Variants in HECW2 observed in about 807,000 individuals in gnomAD.
The protein encoded by HECW2 is HECT, C2 and WW domain containing E3 ubiquitin protein ligase 2.
A neutral mutation model predicts 175.2 loss-of-function variants in HECW2; 61 were observed. The ratio of observed to expected loss-of-function variants is 0.35; its 90% CI spans 0.28 to 0.43. The LOEUF (loss-of-function observed/expected upper bound fraction) is 0.43. Among genes scored for constraint, HECW2 ranks in the 20% least tolerant of loss-of-function variants. The pLI, the probability that HECW2 is intolerant of heterozygous loss-of-function variation, is 1.00. For missense variants in HECW2, 1,524 were observed against 2,000.5 expected (o/e 0.76, Z 4.54); for synonymous variants, 671 against 731.0 (o/e 0.92, Z 1.32).
intron 2 of HECW2, among the ~76,000 whole-genome samples, chr2:196,395,285 T>C (rs1262701810): frequency 1.3e-5 from 2 of 152,146 alleles, no homozygotes; most frequent in Non-Finnish European, 1.5e-5. Flanking sequence ...AAAAGCTTTA[T>C]GACATTGGAT....
Position 196,356,427 on chromosome 2 carries a change from A to G in HECW2, c.293-12663T>C, listed in dbSNP as rs192583772. ...AAAATTCCAGAAACAAACAACTCATAAGTTTTAGATTGTGTACATTCTGAG... is the reference window on the plus strand; with the variant it reads ...AAAATTCCAGAAACAAACAACTCATGAGTTTTAGATTGTGTACATTCTGAG... On this transcript the variant is annotated intron_variant, in intron 2 of 28. Coordinates refer to ENST00000644978, the MANE Select transcript of HECW2 (RefSeq NM_001348768.2). Among the ~76,000 whole-genome samples, 130 of 152,352 alleles carry G rather than the reference A, an allele frequency of 8.5e-4. 3 individuals carry two copies. The highest frequency in any genetic ancestry group is 8.3e-3 in the Admixed American group (127 of 15,304).
chr2:196,225,399 G>C (rs371384253), intron 23 of HECW2, among the ~76,000 whole-genome samples: 1 of 152,326 alleles, frequency 6.6e-6, no homozygotes, highest in South Asian at 2.1e-4. Context: ...TCATAAAGGA[G>C]AGGGGGGCTG....
intron 19 of HECW2, among the ~76,000 whole-genome samples, chr2:196,251,231 G>A (rs532606088): frequency 6.6e-6 from 1 of 152,074 alleles, no homozygotes; most frequent in Non-Finnish European, 1.5e-5. Context: ...TGTGAAACCC[G>A]GCTCCCCTGA....
chr2:196,433,313 C>T lies in HECW2; in HGVS notation c.111G>A (p.Met37Ile), dbSNP rs1249848667. The T allele has an allele frequency of 3.7e-6, 6 of 1,614,136 alleles. No homozygotes were observed. The South Asian group carries it at 6.6e-5, about 18-fold the overall frequency. ...NLQSLAAQSSMPENMTLQRAN... is the reference protein window; with the variant it reads ...NLQSLAAQSSIPENMTLQRAN... ...CCCGCTGCAGGGTCATGTTCTCTGG[C>T]ATGGAGCTCTGGGCGGCAAGGCTCT... is the stretch of plus-strand genomic sequence containing the variant. The change falls in exon 2 of 29, where the codon ATG (methionine) becomes ATA (isoleucine). Residue 37 changes from methionine (M) to isoleucine (I), a missense_variant. By Grantham distance (10) the Met-to-Ile change is conservative. Transcript: ENST00000644978.
At chr2:196,352,566 C>A (rs901433778) in intron 2 of HECW2, among the ~76,000 whole-genome samples, 2 of 147,020 alleles carry the variant, frequency 1.4e-5, no homozygotes, top group African/African-American at 5.4e-5. Context: ...ATTGCTGTAT[C>A]CTCTATAGCA....
At chr2:196,358,604 A>G (rs1374176798) in intron 2 of HECW2, among the ~76,000 whole-genome samples, 1 of 150,052 alleles carries the variant, frequency 6.7e-6, no homozygotes, top group Non-Finnish European at 1.5e-5. Flanking sequence ...AAAAAAAAAA[A>G]AAAAAAAAAA....
intron 12 of HECW2, 48 bp downstream of exon 12, chr2:196,307,082 C>T: frequency 7.4e-7 from 1 of 1,346,236 alleles, no homozygotes; most frequent in Admixed American, 1.7e-5. Context: ...TTATTTGCTT[C>T]TTTTTCCACT....
chr2:196,408,477 T>C (rs1430585486), intron 2 of HECW2, among the ~76,000 whole-genome samples: 1 of 152,200 alleles, frequency 6.6e-6, no homozygotes, highest in Non-Finnish European at 1.5e-5. Context: ...GTATCCAGTA[T>C]CTTATCCCCC....
chr2:196,558,811 T>C (rs1356487112), intron 1 of HECW2, among the ~76,000 whole-genome samples: 1 of 152,168 alleles, frequency 6.6e-6, no homozygotes, highest in Non-Finnish European at 1.5e-5. Flanking sequence ...CACTTGAAAA[T>C]ACATTTGATG....
At chr2:196,246,166 C>T (rs1016107141) in intron 19 of HECW2, among the ~76,000 whole-genome samples, 8 of 152,164 alleles carry the variant, frequency 5.3e-5, no homozygotes, top group Non-Finnish European at 1.2e-4. Flanking sequence ...GAACACAAGG[C>T]TGCTCTCCTA....
chr2:196,460,675 T>A lies in HECW2; in HGVS notation c.-35-27217A>T, dbSNP rs1696706831. On this transcript the variant is annotated intron_variant, in intron 1 of 28. Transcript: ENST00000644978. ...CCCAGGCTGGAGTACAGTGGTGCCA[T>A]AACTGGCTCACTGCAGCCTTAACCT... 2.6e-5 allele frequency among the ~76,000 whole-genome samples: 4 copies of A among 151,606 alleles called. No individual in the cohort carries two copies. The South Asian group carries it at 8.3e-4, about 32-fold the overall frequency.
At chr2:196,370,758 G>T (rs1165058215) in intron 2 of HECW2, among the ~76,000 whole-genome samples, 1 of 152,156 alleles carries the variant, frequency 6.6e-6, no homozygotes, top group Non-Finnish European at 1.5e-5. Flanking sequence ...TCCCTCTGTG[G>T]GTGCCAGCTA....
intron 19 of HECW2, among the ~76,000 whole-genome samples, chr2:196,247,077 A>G (rs1290448603): frequency 3.9e-5 from 6 of 152,078 alleles, no homozygotes; most frequent in Non-Finnish European, 8.8e-5. Flanking sequence ...CCTGGCCAAC[A>G]TGGTGAAACC....
chr2:196,248,587 G>GAGAGAGAC (rs1202219316), intron 19 of HECW2, among the ~76,000 whole-genome samples: 16 of 37,002 alleles, frequency 4.3e-4, no homozygotes, highest in Middle Eastern at 0.019. Context: ...GAGAGAGAGA[G>GAGAGAGAC]AGACAGACAG....
intron 2 of HECW2, among the ~76,000 whole-genome samples, chr2:196,396,866 C>T (rs1694674712): frequency 6.6e-6 from 1 of 151,192 alleles, no homozygotes; most frequent in Admixed American, 6.6e-5. Context: ...AATCCCAGCA[C>T]TCTGGGAGGC....
At chr2:196,341,894 G>A (rs562440436) in intron 3 of HECW2, among the ~76,000 whole-genome samples, 56 of 152,304 alleles carry the variant, frequency 3.7e-4, no homozygotes, top group South Asian at 2.7e-3. Flanking sequence ...TAAGATAACT[G>A]TGTATTAGAG....
intron 1 of HECW2, among the ~76,000 whole-genome samples, chr2:196,494,846 A>T (rs1024451010): frequency 6.6e-6 from 1 of 152,172 alleles, no homozygotes; most frequent in African/African-American, 2.4e-5. Flanking sequence ...GCTGCTGTAC[A>T]TGGTGAAAAG....
At chr2:196,429,577 T>C (rs1192596690) in intron 2 of HECW2, among the ~76,000 whole-genome samples, 1 of 152,158 alleles carries the variant, frequency 6.6e-6, no homozygotes, top group Non-Finnish European at 1.5e-5. Flanking sequence ...CCAATGTACA[T>C]AACTGTAAAA....
intron 1 of HECW2, among the ~76,000 whole-genome samples, chr2:196,542,744 C>A (rs544854399): frequency 1.3e-5 from 2 of 150,336 alleles, no homozygotes; most frequent in Non-Finnish European, 3.0e-5. Flanking sequence ...ATGTAGGATA[C>A]AAAGATATAT....
Sources: allele counts gnomAD v4.1 joint callset (sites outside exome capture counted in the v4.1 genomes callset), GRCh38; gene constraint gnomAD v4.1.1; transcripts MANE v1.5; gene names NCBI Gene and HGNC (gene_info 2026-07-23, HGNC 2026-07-21).